Variants in DNAH12 observed in about 807,000 individuals in gnomAD.
DNAH12 encodes axonemal beta dynein heavy chain 12.
A neutral mutation model predicts 371.5 loss-of-function variants in DNAH12; 285 were observed. The observed-to-expected ratio is 0.77, with a 90% confidence interval of 0.70 to 0.85. DNAH12 has a LOEUF of 0.85. DNAH12 is among the 40% of genes least tolerant of loss of function. The pLI is 0.00. For missense variants in DNAH12, 3,611 were observed against 3,689.4 expected (o/e 0.98, Z 0.55); for synonymous variants, 1,200 against 1,213.0 (o/e 0.99, Z 0.22).
intron 1 of DNAH12, among the ~76,000 whole-genome samples, chr3:57,543,315 G>GATTTTTTTTTT (rs2069376943): frequency 1.4e-5 from 1 of 70,286 alleles, no homozygotes; most frequent in African/African-American, 6.3e-5. Context: ...ATCATTAATG[G>GATTTTTTTTTT]TTTTTTTTTT....
In DNAH12 at chr3:57,360,608, A is replaced by T. The variant is rs2062903922; in HGVS notation, c.9360+2986T>A. Among the ~76,000 whole-genome samples, 4 of 152,164 alleles carry T rather than the reference A, an allele frequency of 2.6e-5. No individual in the cohort carries two copies. In the South Asian group the frequency reaches 8.3e-4, roughly 32 times the overall value. On this transcript the variant is annotated intron_variant, in intron 58 of 73. Coordinates refer to ENST00000495027, the MANE Select transcript of DNAH12 (RefSeq NM_001366028.2). ...GAGGCTGAGGCAGAAGAATCGCTTGAACTCGGAGGCGAAGGTTGCAATGAG... is the reference window on the plus strand; with the variant it reads ...GAGGCTGAGGCAGAAGAATCGCTTGTACTCGGAGGCGAAGGTTGCAATGAG...
intron 2 of DNAH12, among the ~76,000 whole-genome samples, chr3:57,524,726 G>A (rs112850220): frequency 3.6e-4 from 55 of 152,112 alleles, no homozygotes; most frequent in Non-Finnish European, 7.1e-4. Context: ...AGGATTTCAG[G>A]TGGAGACATA....
chr3:57,325,014 G>C (rs931290409), intron 62 of DNAH12, among the ~76,000 whole-genome samples: 1 of 152,240 alleles, frequency 6.6e-6, no homozygotes, highest in African/African-American at 2.4e-5. Flanking sequence ...AGCGAGGCTG[G>C]GGAAGGGGCG....
At chr3:57,323,314 G>C in intron 63 of DNAH12, 54 bp from the exon 64 acceptor site, 8 of 1,519,632 alleles carry the variant, frequency 5.3e-6, no homozygotes, top group Non-Finnish European at 7.0e-6. Context: ...TTATAAAAAA[G>C]TGCCTTATGT....
chr3:57,347,409 A>C (rs2062566992), intron 60 of DNAH12, among the ~76,000 whole-genome samples: 1 of 152,194 alleles, frequency 6.6e-6, no homozygotes, highest in South Asian at 2.1e-4. Context: ...TGATCCTATC[A>C]AAAGATGTAG....
chr3:57,369,288 TATAG>T (rs1323273323), intron 55 of DNAH12, among the ~76,000 whole-genome samples: 66 of 84,354 alleles, frequency 7.8e-4, no homozygotes, highest in African/African-American at 4.3e-3. Flanking sequence ...TTACATATAA[TATAG>T]AATTTTAATT....
intron 39 of DNAH12, 22 bp from the exon 40 acceptor site, chr3:57,408,557 A>T: frequency 6.7e-7 from 1 of 1,496,748 alleles, no homozygotes; most frequent in Non-Finnish European, 8.9e-7. Context: ...CACACAAAAA[A>T]TTTAGATTAT....
At position 57,421,593 on chromosome 3, in the gene DNAH12, G is replaced by A; in HGVS notation, c.5487C>T (p.Asn1829=). The A allele has an allele frequency of 6.4e-7, 1 of 1,551,542 alleles. No homozygotes were observed. The highest frequency in any genetic ancestry group is 8.7e-7 in the Non-Finnish European group (1 of 1,146,980). Residue 1829 remains asparagine, a synonymous_variant, in exon 36 of 74, where the codon AAC becomes AAT. Coordinates refer to ENST00000495027, the MANE Select transcript of DNAH12 (RefSeq NM_001366028.2). ...ATTTACCCACAGAATCTGGCACTGG[G>A]TTTTCATCATCTTTTCCCAGTATGA... The part of the protein sequence containing the change: ...RLIILGKDDE[N]PVPDSVGKWE...
At position 57,333,217 on chromosome 3, in the gene DNAH12, A is replaced by G. The variant is rs561511314; in HGVS notation, c.9978+1248T>C. Among the ~76,000 whole-genome samples the G allele has an allele frequency of 6.6e-5, 10 of 151,818 alleles. No homozygotes were observed. In the East Asian group the frequency reaches 1.9e-3, roughly 29 times the overall value. ...CAGGTTGAAGTGATTCTCTTGCCTCAGCTTCCCGAGCTCGAACTCCTGACC... is the reference window on the plus strand; with the variant it reads ...CAGGTTGAAGTGATTCTCTTGCCTCGGCTTCCCGAGCTCGAACTCCTGACC... On this transcript the variant is annotated intron_variant, in intron 62 of 73. Transcript: ENST00000495027.
intron 60 of DNAH12, among the ~76,000 whole-genome samples, chr3:57,340,928 A>G (rs945661493): frequency 6.6e-6 from 1 of 152,212 alleles, no homozygotes; most frequent in African/African-American, 2.4e-5. Flanking sequence ...ACAGCACATC[A>G]AAAATATCAT....
At chr3:57,411,587 T>C (rs1276087850) in intron 39 of DNAH12, among the ~76,000 whole-genome samples, 1 of 147,586 alleles carries the variant, frequency 6.8e-6, no homozygotes, top group Non-Finnish European at 1.5e-5. Flanking sequence ...CCATTTACAT[T>C]AGCACCCACC....
intron 13 of DNAH12, among the ~76,000 whole-genome samples, chr3:57,482,216 A>C (rs2066768279): frequency 1.3e-5 from 2 of 152,192 alleles, no homozygotes; most frequent in Non-Finnish European, 2.9e-5. Context: ...AACTCAAACA[A>C]ATTTACAAGA....
intron 1 of DNAH12, among the ~76,000 whole-genome samples, chr3:57,543,357 C>T (rs1226287831): frequency 3.0e-5 from 3 of 101,212 alleles, no homozygotes; most frequent in Non-Finnish European, 5.3e-5. Flanking sequence ...GATTCTTGCT[C>T]TGTCGCCCAG....
chr3:57,550,577 A>G, the DNAH12 span, among the ~76,000 whole-genome samples: 1 of 151,994 alleles, frequency 6.6e-6, no homozygotes, highest in Admixed American at 6.6e-5. Context: ...CAGTGGTGCA[A>G]TCTTGGCTCA....
intron 73 of DNAH12, among the ~76,000 whole-genome samples, chr3:57,294,464 T>C (rs997455398): frequency 1.3e-5 from 2 of 152,182 alleles, no homozygotes; most frequent in African/African-American, 4.8e-5. Context: ...CGTGAGCCAC[T>C]GCGCCCAGCC....
rs1319254365 is a variant in DNAH12, at chr3:57,304,046, G to T, written c.11190-2107C>A. Among the ~76,000 whole-genome samples the T allele has an allele frequency of 2.7e-5, 4 of 147,472 alleles. No homozygotes were observed. In the Admixed American group the frequency reaches 2.8e-4, roughly 10 times the overall value. Reference sequence around the variant, plus strand: ...CTGGCTCAAAAATCTCCCCCACTGAGCACCTTGTGACCCCCCACTCCTGCC... The same window carrying T: ...CTGGCTCAAAAATCTCCCCCACTGATCACCTTGTGACCCCCCACTCCTGCC... On this transcript the variant is annotated intron_variant, in intron 69 of 73. Coordinates refer to ENST00000495027, the MANE Select transcript of DNAH12 (RefSeq NM_001366028.2).
intron 55 of DNAH12, among the ~76,000 whole-genome samples, chr3:57,371,956 A>AAAAAAAAAAAAAAG (rs2063183258): frequency 6.7e-6 from 1 of 149,426 alleles, no homozygotes; most frequent in African/African-American, 2.5e-5. Flanking sequence ...AAAAAAAAAA[A>AAAAAAAAAAAAAAG]AAAAAAAAAT....
chr3:57,437,044 G>A lies in DNAH12; in HGVS notation c.4562C>T (p.Ala1521Val). 1.3e-6 allele frequency: 2 copies of A among 1,516,446 alleles called. No individual in the cohort carries two copies. Among genetic ancestry groups the A allele is most frequent in the African/African-American group, 1.4e-5 (1 of 70,692 alleles). The allele number at this position is 1,516,446 out of a possible 1,614,324, so 93.9% of individuals were successfully genotyped here. The change falls in exon 30 of 74, where the codon GCT (alanine) becomes GTT (valine). Residue 1521 changes from alanine to valine, a missense_variant. Physicochemically the swap from Ala to Val is moderately conservative, Grantham distance 64. Transcript: ENST00000495027. Reference sequence around the variant, plus strand: ...ATTATGTACATTGCAGGCTTCATGAGCACATTCCAAAAATTCCTGAAATAA... The same window carrying A: ...ATTATGTACATTGCAGGCTTCATGAACACATTCCAAAAATTCCTGAAATAA... ...EADYHEFLEC[A>V]HEACNVHNLQ...
At chr3:57,459,425 A>G (rs1182920123) in intron 20 of DNAH12, among the ~76,000 whole-genome samples, 167 bp downstream of exon 20, 1 of 152,244 alleles carries the variant, frequency 6.6e-6, no homozygotes. Flanking sequence ...TGAATTGAAA[A>G]GTAAACTTAT....
Sources: gnomAD v4.1 joint callset for allele counts (sites outside exome capture counted in the v4.1 genomes callset) on GRCh38, gnomAD v4.1.1 for gene constraint, MANE v1.5 for transcripts, NCBI Gene and HGNC (gene_info 2026-07-23, HGNC 2026-07-21) for gene names.